CDH8: variants seen among roughly 807,000 people sequenced by gnomAD.
CDH8 encodes cadherin-8.
A neutral mutation model predicts 68.1 loss-of-function variants in CDH8; 17 were observed. The observed-to-expected ratio is 0.25, with a 90% CI of 0.17 to 0.37. The LOEUF (loss-of-function observed/expected upper bound fraction) is 0.37, where lower values mean the gene tolerates loss of function less well. Ranked by LOEUF, CDH8 falls within the 10% of genes least tolerant of loss-of-function variation. The pLI is 1.00. For missense variants in CDH8, 763 were observed against 999.3 expected (o/e 0.76, Z 3.19); for synonymous variants, 372 against 365.1 (o/e 1.02, Z -0.21).
chr16:62,019,245 A>T (rs1902015217), intron 2 of CDH8, among the ~76,000 whole-genome samples: 1 of 152,244 alleles, frequency 6.6e-6, no homozygotes, highest in Admixed American at 6.5e-5. Flanking sequence ...TCAATAACTC[A>T]TAAGTGTAAA....
chr16:61,766,668 GT>G, intron 8 of CDH8, among the ~76,000 whole-genome samples: 1 of 151,630 alleles, frequency 6.6e-6, no homozygotes, highest in African/African-American at 2.4e-5. Context: ...TTGTTTGTTT[GT>G]TTGTTTTTAA....
chr16:61,856,898 A>C (rs756455575), intron 4 of CDH8, among the ~76,000 whole-genome samples: 1 of 152,182 alleles, frequency 6.6e-6, no homozygotes, highest in South Asian at 2.1e-4. Flanking sequence ...GTGTCAGATC[A>C]TGTGTTAAAT....
chr16:61,764,508 C>A (rs1960541327), intron 8 of CDH8, among the ~76,000 whole-genome samples: 1 of 152,124 alleles, frequency 6.6e-6, no homozygotes, highest in Non-Finnish European at 1.5e-5. Flanking sequence ...ACATGGTAAC[C>A]ATTTTACATG....
At chr16:61,923,392 G>T (rs1370311449) in intron 2 of CDH8, among the ~76,000 whole-genome samples, 1 of 152,044 alleles carries the variant, frequency 6.6e-6, no homozygotes, top group Non-Finnish European at 1.5e-5. Flanking sequence ...AGTCCTCAGT[G>T]TCATCACTGA....
At chr16:61,940,081 A>G (rs377568568) in intron 2 of CDH8, among the ~76,000 whole-genome samples, 3 of 152,214 alleles carry the variant, frequency 2.0e-5, no homozygotes, top group African/African-American at 4.8e-5. Context: ...AAAATAATCA[A>G]TATCAAAGAG....
intron 10 of CDH8, among the ~76,000 whole-genome samples, chr16:61,698,715 T>C (rs1041822878): frequency 6.6e-6 from 1 of 152,148 alleles, no homozygotes; most frequent in African/African-American, 2.4e-5. Context: ...ATCCGCTTAA[T>C]CTCCACGACC....
At chr16:61,654,941 A>G (rs1485221708) in intron 11 of CDH8, among the ~76,000 whole-genome samples, 1 of 152,224 alleles carries the variant, frequency 6.6e-6, no homozygotes, top group Non-Finnish European at 1.5e-5. Flanking sequence ...TTAATTTGCA[A>G]TCATCATTTT....
chr16:61,909,264 T>C, intron 2 of CDH8, among the ~76,000 whole-genome samples: 1 of 152,064 alleles, frequency 6.6e-6, no homozygotes, highest in East Asian at 1.9e-4. Flanking sequence ...ATTGAAAACA[T>C]GCCCAAATGA....
intron 8 of CDH8, among the ~76,000 whole-genome samples, chr16:61,728,996 C>T (rs1959460700): frequency 2.0e-5 from 3 of 151,116 alleles, no homozygotes; most frequent in Non-Finnish European, 3.0e-5. Context: ...ATAGCCTTTG[C>T]CTTTTGCAAT....
chr16:61,703,282 T>A (rs925065750), intron 10 of CDH8, among the ~76,000 whole-genome samples: 17 of 152,098 alleles, frequency 1.1e-4, no homozygotes, highest in African/African-American at 4.1e-4. Context: ...AGGGAGATAG[T>A]TTTTTCTTCT....
intron 7 of CDH8, among the ~76,000 whole-genome samples, chr16:61,794,858 G>C (rs186715012): frequency 6.6e-6 from 1 of 152,054 alleles, no homozygotes; most frequent in East Asian, 1.9e-4. Context: ...TAGTTTATAA[G>C]CCTTTAATCT....
chr16:61,761,409 T>C (rs988918394), intron 8 of CDH8, among the ~76,000 whole-genome samples: 5 of 152,200 alleles, frequency 3.3e-5, no homozygotes, highest in South Asian at 2.1e-4. Context: ...TAGTCTTTGA[T>C]GATAACTAAT....
At chr16:61,961,153 T>C (rs1457926254) in intron 2 of CDH8, among the ~76,000 whole-genome samples, 1 of 151,962 alleles carries the variant, frequency 6.6e-6, no homozygotes, top group Non-Finnish European at 1.5e-5. Flanking sequence ...CTGTCTCTAC[T>C]AAAAATACAA....
intron 10 of CDH8, chr16:61,692,492 G>A (rs770124623): frequency 2.0e-5 from 3 of 151,200 alleles, no homozygotes; most frequent in Non-Finnish European, 4.4e-5. Flanking sequence ...CCAAAAGCAT[G>A]TGTGTTTATC....
At chr16:61,670,047 T>A (rs191160631) in intron 10 of CDH8, among the ~76,000 whole-genome samples, 5 of 152,218 alleles carry the variant, frequency 3.3e-5, no homozygotes, top group Non-Finnish European at 5.9e-5. Context: ...ATAATGGAAC[T>A]AATGATATTG....
chr16:61,847,864 T>C (rs1962843906), intron 4 of CDH8, among the ~76,000 whole-genome samples: 4 of 150,782 alleles, frequency 2.7e-5, no homozygotes, highest in African/African-American at 9.8e-5. Context: ...TGTCTGTCTA[T>C]ATCTACCAAC....
chr16:61,956,877 C>A (rs1200662337), intron 2 of CDH8, among the ~76,000 whole-genome samples: 2 of 152,104 alleles, frequency 1.3e-5, no homozygotes, highest in Non-Finnish European at 2.9e-5. Flanking sequence ...TACCTGCATT[C>A]TCTCCAACCC....
At chr16:61,740,176 G>C (rs1367039964) in intron 8 of CDH8, among the ~76,000 whole-genome samples, 1 of 151,790 alleles carries the variant, frequency 6.6e-6, no homozygotes, top group Non-Finnish European at 1.5e-5. Flanking sequence ...AAAGTGCTGG[G>C]ATTAAGGGGT....
chr16:61,735,066 A>T (rs1358135826), intron 8 of CDH8, among the ~76,000 whole-genome samples: 1 of 151,970 alleles, frequency 6.6e-6, no homozygotes, highest in African/African-American at 2.4e-5. Context: ...CCATCTTCAC[A>T]TGGCTTTCTC....
Sources: allele counts gnomAD v4.1 joint callset (sites outside exome capture counted in the v4.1 genomes callset), GRCh38; gene constraint gnomAD v4.1.1; transcripts MANE v1.5; gene names NCBI Gene and HGNC (gene_info 2026-07-23, HGNC 2026-07-21).